Variants in DPYSL3 observed in about 807,000 individuals in gnomAD.
The protein encoded by DPYSL3 is dihydropyrimidinase like 3, also known as dihydropyrimidinase-related protein 3.
Under a neutral mutation model 66.1 loss-of-function variants are expected in DPYSL3, and 16 were observed. The ratio of observed to expected loss-of-function variants is 0.24; its 90% CI spans 0.16 to 0.37. The LOEUF is 0.37. DPYSL3 is among the 10% of genes least tolerant of loss of function. The pLI is 1.00. For synonymous variants in DPYSL3, 338 were observed against 345.1 expected, an observed-to-expected ratio of 0.98 and a Z score of 0.23; for missense variants, 738 against 916.2, an observed-to-expected ratio of 0.81 and a Z score of 2.51.
chr5:147,462,586 T>C (rs1325283414), intron 1 of DPYSL3, among the ~76,000 whole-genome samples: 1 of 152,122 alleles, frequency 6.6e-6, no homozygotes, highest in Non-Finnish European at 1.5e-5. Context: ...ACTCCTGCAA[T>C]GAAGGAAGCA....
In DPYSL3 at chr5:147,421,755, G is replaced by A. The variant is rs76504917; in HGVS notation, c.470+3120C>T. 2.0e-5 allele frequency among the ~76,000 whole-genome samples: 3 copies of A among 152,146 alleles called. No homozygotes were observed. In the East Asian group the frequency reaches 5.8e-4, roughly 29 times the overall value. ...GACAAACCCGACAAAAGTAAGCAACGGGAAAAGGATTTCCTATTGAATAAA... is the reference window on the plus strand; with the variant it reads ...GACAAACCCGACAAAAGTAAGCAACAGGAAAAGGATTTCCTATTGAATAAA... On this transcript the variant is annotated intron_variant, in intron 2 of 13. Coordinates refer to ENST00000343218, the MANE Select transcript of DPYSL3 (RefSeq NM_001197294.2).
chr5:147,461,099 G>C (rs1247439955), intron 1 of DPYSL3, among the ~76,000 whole-genome samples: 1 of 152,210 alleles, frequency 6.6e-6, no homozygotes, highest in Admixed American at 6.5e-5. Context: ...TTGCACGGGT[G>C]AATGCTGGGA....
chr5:147,398,696 C>T (rs767447004), intron 11 of DPYSL3, among the ~76,000 whole-genome samples: 2 of 152,078 alleles, frequency 1.3e-5, no homozygotes, highest in Admixed American at 6.5e-5. Context: ...CCCTGACTTC[C>T]GGAAGTTAGG....
chr5:147,404,117 T>C (rs758866360), intron 8 of DPYSL3, among the ~76,000 whole-genome samples: 1 of 152,170 alleles, frequency 6.6e-6, no homozygotes, highest in Non-Finnish European at 1.5e-5. Context: ...ACACTTCTTC[T>C]TTTTCTTTTC....
chr5:147,447,757 C>T (rs779939718), intron 1 of DPYSL3, among the ~76,000 whole-genome samples: 1 of 152,120 alleles, frequency 6.6e-6, no homozygotes, highest in Non-Finnish European at 1.5e-5. Flanking sequence ...GTAATCCCAG[C>T]TACTCAGGAG....
chr5:147,454,665 T>C (rs1752813158), intron 1 of DPYSL3, among the ~76,000 whole-genome samples: 1 of 152,216 alleles, frequency 6.6e-6, no homozygotes, highest in Non-Finnish European at 1.5e-5. Context: ...GGAGTAGAAC[T>C]GCTATTGCTC....
intron 1 of DPYSL3, among the ~76,000 whole-genome samples, chr5:147,506,446 A>G (rs945748260): frequency 2.6e-5 from 4 of 152,194 alleles, no homozygotes; most frequent in Admixed American, 6.5e-5. Flanking sequence ...ATTAAGTAAC[A>G]TAATGCACTT....
At chr5:147,492,045 C>G (rs1753423868) in intron 1 of DPYSL3, among the ~76,000 whole-genome samples, 1 of 151,874 alleles carries the variant, frequency 6.6e-6, no homozygotes, top group Non-Finnish European at 1.5e-5. Context: ...CTAAAAGAAG[C>G]CATAGGGGGG....
At chr5:147,463,945 C>T (rs1046874362) in intron 1 of DPYSL3, among the ~76,000 whole-genome samples, 5 of 151,758 alleles carry the variant, frequency 3.3e-5, no homozygotes, top group Admixed American at 1.3e-4. Context: ...TTAGTCAACA[C>T]CACTATTTGA....
rs559199539 is a variant in DPYSL3 at position 147,437,166 on chromosome 5, T to C, written c.382-12203A>G. The stretch of plus-strand genomic sequence containing the variant: ...CCGTTAATGGTACCCAGCTCCCTCT[T>C]AAGAAGCAGCTCTCTCTTTTCATCT... On this transcript the variant is annotated intron_variant, in intron 1 of 13. Transcript: ENST00000343218. Among the ~76,000 whole-genome samples the C allele has an allele frequency of 8.5e-5, 13 of 152,330 alleles. No individual in the cohort carries two copies. The East Asian group carries it at 2.3e-3, about 27-fold the overall frequency.
intron 12 of DPYSL3, 73 bp from the exon 13 acceptor site, chr5:147,395,794 T>C: frequency 6.5e-7 from 1 of 1,546,790 alleles, no homozygotes; most frequent in African/African-American, 1.4e-5. Context: ...ATCATAAATA[T>C]ATTAGTGAAT....
intron 1 of DPYSL3, among the ~76,000 whole-genome samples, chr5:147,430,454 G>A (rs897916903): frequency 1.3e-5 from 2 of 149,864 alleles, no homozygotes; most frequent in South Asian, 2.1e-4. Context: ...AGATTGCAGT[G>A]AGCCAAGATC....
chr5:147,397,766 A>C lies in DPYSL3; in HGVS notation c.1703T>G (p.Leu568Arg), dbSNP rs1758036948. 1.2e-6 allele frequency: 2 copies of C among 1,614,082 alleles called. No individual in the cohort carries two copies. The highest frequency in any genetic ancestry group is 8.5e-7 in the Non-Finnish European group (1 of 1,180,052). ...LVVICQGKIM[L>R]EDGNLHVTQG... ...GGTCACGTGCAGGTTGCCATCTTCC[A>C]GCATGATCTTGCCCTGGCAGATGAC... The change falls in exon 12 of 14, where the codon CTG becomes CGG. Residue 568 changes from leucine to arginine, a missense_variant. Physicochemically the swap from Leu to Arg is moderately radical, Grantham distance 102. Transcript: ENST00000343218.
chr5:147,509,669 T>A lies in DPYSL3; in HGVS notation c.190A>T (p.Thr64Ser), dbSNP rs1328275274. ...TCGCTGCCCTGGCCGCTCCGAGGAG[T>A]CTTCGCGCCCCGCTGCCCCACGCTG... ...ALSVGQRGAK[T>S]PRSGQGSDRG... is the part of the protein sequence containing the mutation. The change falls in exon 1 of 14, where the codon ACT becomes TCT. Residue 64 changes from threonine to serine, a missense_variant. Physicochemically the swap from Thr to Ser is moderately conservative, Grantham distance 58. Coordinates refer to ENST00000343218, the MANE Select transcript of DPYSL3 (RefSeq NM_001197294.2). The surrounding 1 kb of genome is among the most constrained non-coding windows in gnomAD (Gnocchi z 5.3). 2.0e-6 allele frequency: 3 copies of A among 1,535,246 alleles called. No homozygotes were observed. The African/African-American group carries it at 4.1e-5, about 21-fold the overall frequency.
At chr5:147,481,075 A>G (rs1365222076) in intron 1 of DPYSL3, among the ~76,000 whole-genome samples, 1 of 152,182 alleles carries the variant, frequency 6.6e-6, no homozygotes, top group Non-Finnish European at 1.5e-5. Context: ...TTTAAAGTTT[A>G]CAAAAAATTT....
chr5:147,426,929 T>G (rs1752208991), intron 1 of DPYSL3, among the ~76,000 whole-genome samples: 2 of 152,208 alleles, frequency 1.3e-5, no homozygotes, highest in Non-Finnish European at 2.9e-5. Context: ...AAGGAAGATA[T>G]GCCTATGAGG....
intron 1 of DPYSL3, among the ~76,000 whole-genome samples, chr5:147,481,471 T>C (rs766826886): frequency 2.0e-5 from 3 of 152,186 alleles, no homozygotes; most frequent in Non-Finnish European, 4.4e-5. Context: ...TTATTACTCA[T>C]GAAAAAGCAT....
At chr5:147,429,136 A>C (rs1175718980) in intron 1 of DPYSL3, among the ~76,000 whole-genome samples, 1 of 152,198 alleles carries the variant, frequency 6.6e-6, no homozygotes, top group Admixed American at 6.5e-5. Context: ...TATATAAAGA[A>C]TGATGATACC....
chr5:147,425,550 T>C lies in DPYSL3; in HGVS notation c.382-587A>G, dbSNP rs553307472. Among the ~76,000 whole-genome samples the C allele has an allele frequency of 3.9e-5, 6 of 152,360 alleles. No individual in the cohort carries two copies. In the East Asian group the frequency reaches 5.8e-4, roughly 15 times the overall value. On this transcript the variant is annotated intron_variant, in intron 1 of 13. Coordinates refer to ENST00000343218, the MANE Select transcript of DPYSL3 (RefSeq NM_001197294.2). The stretch of plus-strand genomic sequence containing the variant: ...AGAAGGGGAAAAGGCAAAGTATCTA[T>C]AGTATTTAACTTACAGTGGAGAAAT...
Sources: allele counts gnomAD v4.1 joint callset (sites outside exome capture counted in the v4.1 genomes callset), GRCh38; gene constraint gnomAD v4.1.1; non-coding constraint Gnocchi (gnomAD v3.1); transcripts MANE v1.5; gene names NCBI Gene and HGNC (gene_info 2026-07-23, HGNC 2026-07-21).